CSMD1: variants seen among roughly 807,000 people sequenced by gnomAD.
CSMD1 encodes CUB and sushi domain-containing protein 1.
In CSMD1, 213 loss-of-function variants were observed where a neutral mutation model predicts 417.5. That is an observed-to-expected ratio of 0.51 (90% confidence interval 0.46 to 0.57). The LOEUF (loss-of-function observed/expected upper bound fraction) is 0.57, where lower values mean the gene tolerates loss of function less well. Ranked by LOEUF, CSMD1 falls within the 20% of genes least tolerant of loss-of-function variation. The pLI, the probability that CSMD1 is intolerant of heterozygous loss-of-function variation, is 0.00. For missense variants in CSMD1, 6,923 were observed against 4,529.7 expected (o/e 1.53, Z -15.17); for synonymous variants, 2,862 against 1,736.8 (o/e 1.65, Z -16.11).
intron 5 of CSMD1, among the ~76,000 whole-genome samples, chr8:3,914,040 G>T (rs1307990186): frequency 6.6e-6 from 1 of 151,982 alleles, no homozygotes; most frequent in African/African-American, 2.4e-5. Context: ...CTAAGTTAAA[G>T]AAAAAGTAAT....
At chr8:4,043,492 G>T (rs190706269) in intron 3 of CSMD1, among the ~76,000 whole-genome samples, 1 of 152,100 alleles carries the variant, frequency 6.6e-6, no homozygotes, top group Non-Finnish European at 1.5e-5. Context: ...TCAAAAAAAA[G>T]TATTTTAAAT....
At chr8:3,424,810 T>C (rs563195368) in intron 12 of CSMD1, among the ~76,000 whole-genome samples, 54 of 152,306 alleles carry the variant, frequency 3.5e-4, no homozygotes, top group African/African-American at 1.1e-3. Context: ...AGTAATGAAA[T>C]TGGCATATTG....
Position 4,768,404 on chromosome 8 carries a change from G to A in CSMD1, c.86-130846C>T, listed in dbSNP as rs530251054. 1.4e-3 allele frequency among the ~76,000 whole-genome samples: 220 copies of A among 152,248 alleles called. 5 individuals carry two copies. The South Asian group carries it at 0.032, about 22-fold the overall frequency. On this transcript the variant is annotated intron_variant, in intron 1 of 69. Transcript: ENST00000635120. ...TCCATTCAGAAAATCCTTCCATACA[G>A]TCTGCCGGGTGTCAGCGACTGTGTT...
intron 1 of CSMD1, among the ~76,000 whole-genome samples, chr8:4,829,868 T>C (rs1800048833): frequency 6.6e-6 from 1 of 152,122 alleles, no homozygotes; most frequent in Admixed American, 6.5e-5. Flanking sequence ...GTCAGAGTGG[T>C]ACAAAGTTTA....
intron 5 of CSMD1, among the ~76,000 whole-genome samples, chr8:3,771,096 T>A (rs1798546162): frequency 6.6e-6 from 1 of 152,118 alleles, no homozygotes; most frequent in South Asian, 2.1e-4. Flanking sequence ...TATTGTATTC[T>A]CAGGATCTTG....
At chr8:4,421,404 A>C (rs1241601318) in intron 2 of CSMD1, among the ~76,000 whole-genome samples, 2 of 152,148 alleles carry the variant, frequency 1.3e-5, no homozygotes, top group African/African-American at 2.4e-5. Flanking sequence ...TGCCCACAGA[A>C]CATATACCAA....
chr8:4,079,687 T>C (rs758062748), intron 3 of CSMD1, among the ~76,000 whole-genome samples: 47 of 152,376 alleles, frequency 3.1e-4, no homozygotes, highest in Non-Finnish European at 5.6e-4. Flanking sequence ...AATTTATTCC[T>C]GTAGTAAACT....
At chr8:3,559,537 A>T (rs763840203) in intron 10 of CSMD1, among the ~76,000 whole-genome samples, 11 of 152,210 alleles carry the variant, frequency 7.2e-5, no homozygotes, top group Non-Finnish European at 1.6e-4. Context: ...AAAATGGAAG[A>T]TGATAAAGGA....
intron 1 of CSMD1, among the ~76,000 whole-genome samples, chr8:4,868,026 C>G (rs1382683518): frequency 6.6e-6 from 1 of 152,008 alleles, no homozygotes; most frequent in Non-Finnish European, 1.5e-5. Flanking sequence ...GGAAATGGCT[C>G]TTGAAAAATC....
intron 6 of CSMD1, among the ~76,000 whole-genome samples, chr8:3,743,188 C>G (rs772923360): frequency 6.6e-6 from 1 of 152,190 alleles, no homozygotes; most frequent in Non-Finnish European, 1.5e-5. Flanking sequence ...CTACACGACT[C>G]TTTTCATGAA....
At chr8:4,605,889 T>G (rs1434829591) in intron 2 of CSMD1, among the ~76,000 whole-genome samples, 1 of 152,078 alleles carries the variant, frequency 6.6e-6, no homozygotes, top group Non-Finnish European at 1.5e-5. Flanking sequence ...AGTAGAGACA[T>G]TTGGAATGTT....
At chr8:3,347,833 T>C (rs28597804) in intron 22 of CSMD1, among the ~76,000 whole-genome samples, 159 bp downstream of exon 22, 16,678 of 152,248 alleles carry the variant, frequency 0.11, 1,206 homozygotes, top group Non-Finnish European at 0.16. Context: ...CGAAGTGACA[T>C]TACACCTTCT....
intron 37 of CSMD1, among the ~76,000 whole-genome samples, chr8:3,170,030 A>C (rs1170314483): frequency 6.6e-6 from 1 of 152,202 alleles, no homozygotes; most frequent in Non-Finnish European, 1.5e-5. Context: ...CCAATGGGGA[A>C]AGGACACAAG....
intron 3 of CSMD1, among the ~76,000 whole-genome samples, chr8:4,227,996 A>G (rs1009025050): frequency 6.7e-6 from 1 of 149,072 alleles, no homozygotes. Context: ...CCTACATTAA[A>G]CCCCACACCT....
chr8:3,841,962 C>T (rs894498987), intron 5 of CSMD1, among the ~76,000 whole-genome samples: 2 of 152,140 alleles, frequency 1.3e-5, no homozygotes, highest in African/African-American at 4.8e-5. Context: ...GTTACTGCTT[C>T]CAAAAGCAGT....
intron 2 of CSMD1, among the ~76,000 whole-genome samples, chr8:4,558,140 T>C (rs1798176520): frequency 6.7e-6 from 1 of 150,026 alleles, no homozygotes; most frequent in Non-Finnish European, 1.5e-5. Flanking sequence ...AAAATCATAA[T>C]AAGAAGTTAA....
chr8:4,109,662 C>A (rs1200552559), intron 3 of CSMD1, among the ~76,000 whole-genome samples: 1 of 152,098 alleles, frequency 6.6e-6, no homozygotes, highest in Non-Finnish European at 1.5e-5. Flanking sequence ...AGTTTGTTGT[C>A]CATTATCATT....
At chr8:3,675,527 A>C (rs73183340) in intron 7 of CSMD1, among the ~76,000 whole-genome samples, 23,980 of 152,104 alleles carry the variant, frequency 0.16, 2,101 homozygotes, top group South Asian at 0.22. Context: ...ATCTCCAATG[A>C]GATGGTGTTT....
rs531224722 is a variant in CSMD1, at chr8:4,484,761, A to T, written c.303-64696T>A. Among the ~76,000 whole-genome samples, 161 of 152,148 alleles carry T rather than the reference A, an allele frequency of 1.1e-3. 1 individual carries two copies. The highest frequency in any genetic ancestry group is 3.9e-3 in the African/African-American group (160 of 41,526). ...GAGACGGGCGGATCACGAGGTCAGG[A>T]GATCGAGACCATCCTGGCTAACACG... On this transcript the variant is annotated intron_variant, in intron 2 of 69. Coordinates refer to ENST00000635120, the MANE Select transcript of CSMD1 (RefSeq NM_033225.6).
Sources: allele counts gnomAD v4.1 joint callset (sites outside exome capture counted in the v4.1 genomes callset), GRCh38; gene constraint gnomAD v4.1.1; transcripts MANE v1.5; gene names NCBI Gene and HGNC (gene_info 2026-07-23, HGNC 2026-07-21).